CCDC63: variants seen among roughly 807,000 people sequenced by gnomAD.
The protein encoded by CCDC63 is coiled-coil domain containing 63, also known as coiled-coil domain-containing protein 63.
Under a neutral mutation model 63.6 loss-of-function variants are expected in CCDC63, and 54 were observed. The observed-to-expected ratio is 0.85, with a 90% CI of 0.68 to 1.07. The LOEUF is 1.07. Ranked by LOEUF, CCDC63 falls within the 50% of genes least tolerant of loss-of-function variation. The pLI is 0.00. For synonymous variants in CCDC63, 253 were observed against 266.1 expected (o/e 0.95, Z 0.48); for missense variants, 637 against 689.6 (o/e 0.92, Z 0.86).
intron 9 of CCDC63, among the ~76,000 whole-genome samples, chr12:110,893,635 G>A (rs529868185): frequency 2.7e-4 from 41 of 152,266 alleles, no homozygotes; most frequent in Middle Eastern, 3.4e-3. Context: ...TGTTGATCTC[G>A]TCGTTTTACA....
intron 1 of CCDC63, 93 bp downstream of exon 1, chr12:110,847,198 A>G (rs1490334568): frequency 1.3e-5 from 2 of 152,228 alleles, no homozygotes; most frequent in Admixed American, 6.5e-5. Flanking sequence ...CAGTCCATTC[A>G]TATCTCGCTG....
In CCDC63 at chr12:110,904,898, G is replaced by A. The variant is rs1396505309; in HGVS notation, c.1546+107G>A. The A allele has an allele frequency of 2.1e-5, 18 of 854,674 alleles. No individual in the cohort carries two copies. The Admixed American group carries it at 3.3e-4, about 16-fold the overall frequency. 52.9% of individuals were successfully genotyped at this position (854,674 alleles called of 1,614,324 possible). On this transcript the variant is annotated intron_variant, in intron 11 of 11. Coordinates refer to ENST00000308208, the MANE Select transcript of CCDC63 (RefSeq NM_152591.3). The stretch of plus-strand genomic sequence containing the variant: ...GAGAGGGTCTGCAGTGTTGAACCTC[G>A]GTTTCCTCTCTTTATGAGCTCTTGT...
chr12:110,900,119 AGGAGGATTGCTTGAACCTGAGAAGT>A (rs1385917657), intron 10 of CCDC63, among the ~76,000 whole-genome samples: 1 of 152,156 alleles, frequency 6.6e-6, no homozygotes. Context: ...AGGCTGAGGC[AGGAGGATTGCTTGAACCTGAGAAGT>A]GGAGGTTGTA....
chr12:110,887,632 A>T (rs915244154), intron 8 of CCDC63, among the ~76,000 whole-genome samples: 52 of 151,952 alleles, frequency 3.4e-4, no homozygotes, highest in African/African-American at 9.9e-4. Context: ...GGTTAAAAAA[A>T]TTTTTTTTTA....
Position 110,853,560 on chromosome 12 carries a change from G to T in CCDC63, c.165G>T (p.Lys55Asn), listed in dbSNP as rs377234697. The change falls in exon 3 of 12, where the codon AAG becomes AAT. Residue 55 changes from lysine to asparagine, a missense_variant. By Grantham distance (94) the Lys-to-Asn change is moderately conservative. Transcript: ENST00000308208. The part of the protein sequence containing the change: ...RKSFKFRNQQ[K>N]IASQYKEIKT... The stretch of plus-strand genomic sequence containing the variant: ...CTTTTAAGTTCCGAAACCAGCAGAA[G>T]ATTGCGAGTCAGTAGTAAGTGATGG... The T allele has an allele frequency of 8.1e-6, 13 of 1,614,108 alleles. No homozygotes were observed. The African/African-American group carries it at 1.3e-4, about 17-fold the overall frequency.
chr12:110,860,400 T>G (rs7310350), intron 4 of CCDC63, among the ~76,000 whole-genome samples: 1 of 151,892 alleles, frequency 6.6e-6, no homozygotes, highest in Non-Finnish European at 1.5e-5. Context: ...CTAAGCAGCC[T>G]GACAGCTTCA....
chr12:110,870,834 C>G (rs897636409), intron 4 of CCDC63, among the ~76,000 whole-genome samples: 7 of 152,174 alleles, frequency 4.6e-5, no homozygotes, highest in African/African-American at 1.7e-4. Context: ...AAACACAACC[C>G]ACCTGCAATC....
chr12:110,851,656 G>C (rs1352221838), intron 1 of CCDC63, among the ~76,000 whole-genome samples: 1 of 151,858 alleles, frequency 6.6e-6, no homozygotes, highest in Non-Finnish European at 1.5e-5. Context: ...GGAACTTCAG[G>C]GTATTGTTAC....
chr12:110,904,905 T>C (rs1307474981), intron 11 of CCDC63, 114 bp downstream of exon 11: 6 of 786,558 alleles, frequency 7.6e-6, no homozygotes, highest in Non-Finnish European at 1.2e-5. Flanking sequence ...CTCGGTTTCC[T>C]CTCTTTATGA....
chr12:110,882,808 A>G (rs1269358986), intron 7 of CCDC63, among the ~76,000 whole-genome samples: 2 of 152,072 alleles, frequency 1.3e-5, no homozygotes, highest in African/African-American at 4.8e-5. Flanking sequence ...GGGAGCCACA[A>G]CCTGTAAAAA....
chr12:110,876,008 A>G (rs1266372577), intron 5 of CCDC63, among the ~76,000 whole-genome samples: 1 of 151,314 alleles, frequency 6.6e-6, no homozygotes, highest in South Asian at 2.1e-4. Context: ...TTGGAGGCTG[A>G]GGCAGGAGAA....
rs188200842 is a variant in CCDC63 at position 110,902,925 on chromosome 12, C to T, written c.1343-1663C>T. 1.7e-4 allele frequency among the ~76,000 whole-genome samples: 25 copies of T among 150,482 alleles called. 1 individual carries two copies. Among genetic ancestry groups the T allele is most frequent in the Non-Finnish European group, 1.5e-5 (1 of 67,716 alleles). ...TAAGATGGAGTCTCGCTCTGTCACC[C>T]AGGCTGGAGTGCAGTGATACAATCT... is the stretch of plus-strand genomic sequence containing the variant. On this transcript the variant is annotated intron_variant, in intron 10 of 11. Coordinates refer to ENST00000308208, the MANE Select transcript of CCDC63 (RefSeq NM_152591.3).
chr12:110,902,106 C>T (rs2071495808), intron 10 of CCDC63, among the ~76,000 whole-genome samples: 1 of 152,168 alleles, frequency 6.6e-6, no homozygotes, highest in South Asian at 2.1e-4. Context: ...GCTGGGATTA[C>T]AGGTGTGAGC....
intron 1 of CCDC63, among the ~76,000 whole-genome samples, 172 bp downstream of exon 1, chr12:110,847,277 T>A (rs1354651692): frequency 6.6e-6 from 1 of 152,112 alleles, no homozygotes; most frequent in Non-Finnish European, 1.5e-5. Context: ...GTAAAATAAC[T>A]CCAGAGCCGC....
chr12:110,906,903 T>C (rs185089179), intron 11 of CCDC63, among the ~76,000 whole-genome samples: 8 of 152,308 alleles, frequency 5.3e-5, no homozygotes, highest in Admixed American at 5.2e-4. Flanking sequence ...CATTAGGTTC[T>C]CCCAGCCCAC....
rs1420815801 is a variant in CCDC63, at chr12:110,868,143, G to A, written c.370-5699G>A. 5.3e-5 allele frequency among the ~76,000 whole-genome samples: 8 copies of A among 149,740 alleles called. No homozygotes were observed. In the South Asian group the frequency reaches 1.7e-3, roughly 32 times the overall value. ...CACATTTCAGACGATGGGCGGCCGG[G>A]CAGAGACGCTCCTCACTTCCTAGAT... On this transcript the variant is annotated intron_variant, in intron 4 of 11. Transcript: ENST00000308208.
At chr12:110,868,333 G>T (rs2071005507) in intron 4 of CCDC63, among the ~76,000 whole-genome samples, 1 of 137,422 alleles carries the variant, frequency 7.3e-6, no homozygotes, top group Non-Finnish European at 1.6e-5. Flanking sequence ...ACGGGGTGGC[G>T]GCTGGGCAGA....
intron 1 of CCDC63, 46 bp from the exon 2 acceptor site, chr12:110,852,813 A>G: frequency 2.3e-6 from 3 of 1,296,796 alleles, no homozygotes; most frequent in South Asian, 1.2e-5. Context: ...CTGCACCCCC[A>G]GCAGGGGTGG....
chr12:110,890,646 C>T (rs192395428), intron 8 of CCDC63, among the ~76,000 whole-genome samples: 5,035 of 151,864 alleles, frequency 0.033, 271 homozygotes, highest in African/African-American at 0.12. Flanking sequence ...CACACACACA[C>T]GCCCATTTAC....
Sources: allele counts gnomAD v4.1 joint callset (sites outside exome capture counted in the v4.1 genomes callset), GRCh38; gene constraint gnomAD v4.1.1; transcripts MANE v1.5; gene names NCBI Gene and HGNC (gene_info 2026-07-23, HGNC 2026-07-21).